BCL11A: variants seen among roughly 807,000 people sequenced by gnomAD.
BCL11A encodes B cell CLL/lymphoma 11A.
BCL11A carries 2 observed loss-of-function variants against 55.9 expected under a neutral mutation model. The ratio of observed to expected loss-of-function variants is 0.04; its 90% CI spans 0.01 to 0.11. The LOEUF (loss-of-function observed/expected upper bound fraction) is 0.11, where lower values mean the gene tolerates loss of function less well. BCL11A is among the 10% of genes least tolerant of loss of function. The probability of loss-of-function intolerance (pLI) is 1.00; values close to 1 mark genes in which losing one functional copy is unlikely to be tolerated. For synonymous variants in BCL11A, 465 were observed against 473.4 expected, an observed-to-expected ratio of 0.98 and a Z score of 0.23; for missense variants, 817 against 1,137.1, an observed-to-expected ratio of 0.72 and a Z score of 4.05.
chr2:60,464,075 T>C (rs547161409), intron 3 of BCL11A, among the ~76,000 whole-genome samples: 25 of 152,324 alleles, frequency 1.6e-4, no homozygotes, highest in African/African-American at 6.0e-4. Context: ...CCAGCCTCGC[T>C]CAAGCACTTG....
chr2:60,537,040 C>T (rs1457876029), intron 2 of BCL11A: 2 of 152,230 alleles, frequency 1.3e-5, no homozygotes, highest in African/African-American at 4.8e-5. Context: ...CTACCAGTCA[C>T]ACAGCTCCAA....
chr2:60,500,517 T>C (rs1021527373), intron 2 of BCL11A, among the ~76,000 whole-genome samples: 1 of 151,950 alleles, frequency 6.6e-6, no homozygotes, highest in African/African-American at 2.4e-5. Context: ...GGAGAGCCCC[T>C]GAGAAAAAAT....
chr2:60,531,753 C>T (rs1299214358), intron 2 of BCL11A, among the ~76,000 whole-genome samples: 2 of 152,180 alleles, frequency 1.3e-5, no homozygotes, highest in Non-Finnish European at 1.5e-5. Flanking sequence ...GGGTCCATAA[C>T]GTCTTATTCA....
At chr2:60,542,526 G>A (rs1669969146) in intron 2 of BCL11A, 1 of 152,154 alleles carries the variant, frequency 6.6e-6, no homozygotes, top group African/African-American at 2.4e-5. Context: ...GATGAACTGG[G>A]CCCACACAAC....
At chr2:60,468,252 C>A (rs545283902) in intron 3 of BCL11A, among the ~76,000 whole-genome samples, 25 of 152,162 alleles carry the variant, frequency 1.6e-4, no homozygotes, top group South Asian at 4.1e-4. Context: ...CATGAATATA[C>A]AACATATACT....
In BCL11A at chr2:60,504,707, C is replaced by T. The variant is rs111266156; in HGVS notation, c.386-35874G>A. Among the ~76,000 whole-genome samples, 37 of 152,306 alleles carry T rather than the reference C, an allele frequency of 2.4e-4. 1 individual carries two copies. The highest frequency in any genetic ancestry group is 8.9e-4 in the African/African-American group (37 of 41,572). On this transcript the variant is annotated intron_variant, in intron 2 of 3. Coordinates refer to ENST00000642384, the MANE Select transcript of BCL11A (RefSeq NM_022893.4). ...TACAGCTGATGTATTTACTGAGAAG[C>T]TTCTTCAAGCTTTCTACTGGTGCTT...
intron 2 of BCL11A, among the ~76,000 whole-genome samples, chr2:60,517,737 T>G (rs356991): frequency 0.66 from 101,165 of 152,174 alleles, 34,137 homozygotes; most frequent in South Asian, 0.78. Flanking sequence ...AAGTAGACTC[T>G]GGCACTCACT....
intron 2 of BCL11A, among the ~76,000 whole-genome samples, chr2:60,480,768 T>C: frequency 6.6e-6 from 1 of 152,140 alleles, no homozygotes; most frequent in East Asian, 1.9e-4. Flanking sequence ...GGTGAATTGG[T>C]CTCAATTACT....
At chr2:60,511,529 C>G (rs2104485539) in intron 2 of BCL11A, among the ~76,000 whole-genome samples, 1 of 152,264 alleles carries the variant, frequency 6.6e-6, no homozygotes, top group South Asian at 2.1e-4. Context: ...TGATTTCTGA[C>G]AGTTCTTTTT....
chr2:60,530,323 T>C, intron 2 of BCL11A, among the ~76,000 whole-genome samples: 1 of 128,364 alleles, frequency 7.8e-6, no homozygotes, highest in African/African-American at 2.8e-5. Context: ...AAGTTAAACT[T>C]CAGCCATTTA....
chr2:60,505,443 C>T (rs937047125), intron 2 of BCL11A, among the ~76,000 whole-genome samples: 28 of 152,188 alleles, frequency 1.8e-4, no homozygotes, highest in African/African-American at 5.8e-4. Flanking sequence ...GGTAGTCAGC[C>T]GAGTGAGGCT....
Position 60,546,272 on chromosome 2 carries a change from A to G in BCL11A, c.84T>C (p.Asp28=). The change falls in exon 2 of 4, where the codon GAT becomes GAC. Residue 28 remains aspartate (D), a synonymous_variant. Coordinates refer to ENST00000642384, the MANE Select transcript of BCL11A (RefSeq NM_022893.4). The surrounding 1 kb of genome is among the most constrained non-coding windows in gnomAD (Gnocchi z 4.1). ...SPEPLEAILT[D]DEPDHGPLGA... is the part of the protein sequence containing the mutation. ...CCAACGGGCCGTGGTCTGGTTCATC[A>G]TCTGTAAGAATGGCTTCAAGAGGCT... 1 of 1,614,112 alleles carries G rather than the reference A, an allele frequency of 6.2e-7. No homozygotes were observed. Among genetic ancestry groups the G allele is most frequent in the Non-Finnish European group, 8.5e-7 (1 of 1,179,958 alleles).
chr2:60,462,110 G>A lies in BCL11A; in HGVS notation c.802C>T (p.Pro268Ser), dbSNP rs780738830. ...GGGTCCAAGTGATGTCTCGGTGGTG[G>A]ACTAAACAGGGGGGGAGTGGGTGGA... Reference protein sequence around the residue: ...RFPPTPPLFSPPPRHHLDPHR... With the variant: ...RFPPTPPLFSSPPRHHLDPHR... The change falls in exon 4 of 4, where the codon CCA (proline) becomes TCA (serine). Residue 268 changes from proline (P) to serine (S), a missense_variant. Transcript: ENST00000642384. 1.3e-6 allele frequency: 2 copies of A among 1,559,408 alleles called. No homozygotes were observed. Among genetic ancestry groups the A allele is most frequent in the African/African-American group, 1.4e-5 (1 of 72,886 alleles).
intron 1 of BCL11A, among the ~76,000 whole-genome samples, chr2:60,550,360 G>A (rs1009097485): frequency 2.6e-5 from 4 of 152,202 alleles, no homozygotes; most frequent in South Asian, 4.1e-4. Context: ...CATACGGGGT[G>A]ATGGGGGAGA....
In BCL11A at chr2:60,462,218, T is replaced by C. The variant is rs1676355187; in HGVS notation, c.694A>G (p.Ile232Val). Reference protein sequence around the residue: ...PSQPPLHGIHIADNNPFNLLR... With the variant: ...PSQPPLHGIHVADNNPFNLLR... ...AGGTTAAAGGGGTTATTGTCTGCAATATGAATCCCATGGAGAGGTGGCTGG... is the reference window on the plus strand; with the variant it reads ...AGGTTAAAGGGGTTATTGTCTGCAACATGAATCCCATGGAGAGGTGGCTGG... Residue 232 changes from isoleucine to valine, a missense_variant, in exon 4 of 4, where the codon ATT (isoleucine) becomes GTT (valine). This residue lies in a region of BCL11A where 363 missense variants were observed against 486.6 expected (regional missense o/e 0.75). Transcript: ENST00000642384. The C allele has an allele frequency of 6.2e-7, 1 of 1,612,660 alleles. No homozygotes were observed. Among genetic ancestry groups the C allele is most frequent in the Non-Finnish European group, 8.5e-7 (1 of 1,179,288 alleles).
At chr2:60,466,492 G>T (rs910595447) in intron 3 of BCL11A, among the ~76,000 whole-genome samples, 1 of 152,058 alleles carries the variant, frequency 6.6e-6, no homozygotes, top group Non-Finnish European at 1.5e-5. Context: ...CAGCTTGGGG[G>T]AAGGGAGCAG....
At chr2:60,549,149 G>A (rs1363151570) in intron 1 of BCL11A, among the ~76,000 whole-genome samples, 4 of 152,138 alleles carry the variant, frequency 2.6e-5, no homozygotes, top group Non-Finnish European at 5.9e-5. Context: ...GGAAGAAATA[G>A]AAAATAAAAT....
At chr2:60,490,499 C>T (rs544353204) in intron 2 of BCL11A, among the ~76,000 whole-genome samples, 9 of 152,192 alleles carry the variant, frequency 5.9e-5, no homozygotes, top group Non-Finnish European at 1.3e-4. Context: ...TTTTCTTCTT[C>T]TTCTCTTACC....
intron 2 of BCL11A, among the ~76,000 whole-genome samples, chr2:60,502,993 G>A (rs1259967726): frequency 6.6e-6 from 1 of 152,168 alleles, no homozygotes; most frequent in Non-Finnish European, 1.5e-5. Context: ...GTCTTTTAAG[G>A]CCTGGGCTGT....
Sources: gnomAD v4.1 joint callset for allele counts (sites outside exome capture counted in the v4.1 genomes callset) on GRCh38, gnomAD v4.1.1 for gene constraint, gnomAD v4.1.1 regional missense constraint, Gnocchi (gnomAD v3.1) non-coding constraint, MANE v1.5 for transcripts, NCBI Gene and HGNC (gene_info 2026-07-23, HGNC 2026-07-21) for gene names.